RIMS1: variants seen among roughly 807,000 people sequenced by gnomAD.
RIMS1 encodes the protein regulating synaptic membrane exocytosis protein 1.
Under a neutral mutation model 214.1 loss-of-function variants are expected in RIMS1, and 83 were observed. The observed-to-expected ratio is 0.39, with a 90% CI of 0.32 to 0.47. The LOEUF (loss-of-function observed/expected upper bound fraction) is 0.47. Among genes scored for constraint, RIMS1 ranks in the 20% least tolerant of loss-of-function variants. The pLI is 0.99. For missense variants in RIMS1, 2,050 were observed against 2,161.8 expected (o/e 0.95, Z 1.03); for synonymous variants, 793 against 786.8 (o/e 1.01, Z -0.13).
chr6:71,985,743 C>G (rs1799753679), intron 2 of RIMS1, among the ~76,000 whole-genome samples: 1 of 152,188 alleles, frequency 6.6e-6, no homozygotes, highest in African/African-American at 2.4e-5. Context: ...ACTGCAAACA[C>G]ACTCTGTTGA....
intron 12 of RIMS1, among the ~76,000 whole-genome samples, chr6:72,249,605 C>A (rs1174616269): frequency 6.6e-6 from 1 of 151,928 alleles, no homozygotes; most frequent in Admixed American, 6.6e-5. Context: ...CCCCCGATTC[C>A]ACAAAAAATT....
At chr6:72,018,811 G>A (rs1247484916) in intron 2 of RIMS1, among the ~76,000 whole-genome samples, 1 of 152,118 alleles carries the variant, frequency 6.6e-6, no homozygotes, top group African/African-American at 2.4e-5. Context: ...AGAAATAATT[G>A]TTTGATTGAG....
intron 19 of RIMS1, chr6:72,261,735 C>G: frequency 1.0e-6 from 1 of 985,042 alleles, no homozygotes; most frequent in African/African-American, 1.7e-5. Context: ...GTAGTTCTGC[C>G]CAATAATGCA....
intron 23 of RIMS1, among the ~76,000 whole-genome samples, chr6:72,280,290 A>G (rs565909836): frequency 6.6e-6 from 1 of 152,124 alleles, no homozygotes; most frequent in South Asian, 2.1e-4. Context: ...AAAGTAATTC[A>G]TTTTAGTATG....
chr6:71,942,961 G>A (rs1786624695), intron 1 of RIMS1, among the ~76,000 whole-genome samples: 1 of 151,948 alleles, frequency 6.6e-6, no homozygotes, highest in Non-Finnish European at 1.5e-5. Context: ...AAGGGAAAAT[G>A]AGTACTAAAA....
intron 6 of RIMS1, among the ~76,000 whole-genome samples, chr6:72,190,514 G>T (rs1170489636): frequency 6.7e-6 from 1 of 150,346 alleles, no homozygotes; most frequent in Non-Finnish European, 1.5e-5. Flanking sequence ...GGGCTGTAGG[G>T]GCTATAGTGC....
chr6:72,241,011 C>T (rs2066658403), intron 9 of RIMS1, among the ~76,000 whole-genome samples: 1 of 151,714 alleles, frequency 6.6e-6, no homozygotes, highest in African/African-American at 2.4e-5. Flanking sequence ...AGTGAAACTC[C>T]ATCTCAAAAA....
Position 71,887,145 on chromosome 6 carries a change from A to C in RIMS1, c.122A>C (p.Asp41Ala). 6.2e-7 allele frequency: 1 copy of C among 1,612,836 alleles called. No individual in the cohort carries two copies. Among genetic ancestry groups the C allele is most frequent in the Non-Finnish European group, 8.5e-7 (1 of 1,179,428 alleles). The change falls in exon 1 of 34, where the codon GAC becomes GCC. Residue 41 changes from aspartate to alanine, a missense_variant. Coordinates refer to ENST00000521978, the MANE Select transcript of RIMS1 (RefSeq NM_014989.7). ...AGGAACATTATCATGGCAGTGATGG[A>C]CCGGCAGAAGGAAGAGGAGGAAAAA... Reference protein sequence around the residue: ...EERNIIMAVMDRQKEEEEKEE... With the variant: ...EERNIIMAVMARQKEEEEKEE...
intron 6 of RIMS1, among the ~76,000 whole-genome samples, chr6:72,188,444 G>C (rs577172005): frequency 6.6e-6 from 1 of 152,284 alleles, no homozygotes; most frequent in South Asian, 2.1e-4. Flanking sequence ...CTGATATGAA[G>C]TCAATAAATC....
chr6:72,338,661 G>C (rs1372326364), intron 29 of RIMS1, among the ~76,000 whole-genome samples: 1 of 151,964 alleles, frequency 6.6e-6, no homozygotes, highest in Non-Finnish European at 1.5e-5. Flanking sequence ...CGAAGGATAT[G>C]AACAGACACT....
At chr6:71,973,644 C>A (rs1271810201) in intron 2 of RIMS1, among the ~76,000 whole-genome samples, 1 of 152,098 alleles carries the variant, frequency 6.6e-6, no homozygotes, top group Non-Finnish European at 1.5e-5. Context: ...CAGGAGAGCC[C>A]TGGCTAGGAG....
intron 26 of RIMS1, among the ~76,000 whole-genome samples, chr6:72,296,187 TATTTA>T (rs893586452): frequency 2.0e-5 from 3 of 151,978 alleles, no homozygotes; most frequent in Admixed American, 1.3e-4. Context: ...TTAAAAATTT[TATTTA>T]AAATTAATGT....
intron 2 of RIMS1, among the ~76,000 whole-genome samples, chr6:72,002,360 G>A (rs899763893): frequency 4.6e-5 from 7 of 152,032 alleles, no homozygotes; most frequent in Admixed American, 1.3e-4. Context: ...AGGTGATGTA[G>A]CAGCCGTGGC....
intron 4 of RIMS1, among the ~76,000 whole-genome samples, chr6:72,105,108 A>C (rs2034476215): frequency 6.6e-6 from 1 of 151,982 alleles, no homozygotes; most frequent in Admixed American, 6.6e-5. Context: ...TTTTTTTTTA[A>C]ATTTTTGTAG....
At chr6:71,895,028 G>A (rs139652478) in intron 1 of RIMS1, among the ~76,000 whole-genome samples, 28 of 152,236 alleles carry the variant, frequency 1.8e-4, no homozygotes, top group African/African-American at 5.5e-4. Flanking sequence ...GAGAAGGTAT[G>A]TAAATTGAAA....
intron 2 of RIMS1, among the ~76,000 whole-genome samples, chr6:71,972,236 C>G (rs1161688474): frequency 6.6e-6 from 1 of 152,058 alleles, no homozygotes; most frequent in Non-Finnish European, 1.5e-5. Context: ...GAAAAGTGTG[C>G]TTTGGTTTTC....
chr6:72,128,636 G>T (rs2039978488), intron 4 of RIMS1, among the ~76,000 whole-genome samples: 1 of 152,132 alleles, frequency 6.6e-6, no homozygotes, highest in East Asian at 1.9e-4. Flanking sequence ...GTTTTCTATT[G>T]TACAGAAAAA....
Position 72,400,739 on chromosome 6 carries a change from A to G in RIMS1, c.*25A>G, listed in dbSNP as rs1163325422. 7 of 1,510,802 alleles carry G rather than the reference A, an allele frequency of 4.6e-6. No individual in the cohort carries two copies. The highest frequency in any genetic ancestry group is 2.7e-5 in the African/African-American group (2 of 72,816). 93.6% of individuals were successfully genotyped at this position (1,510,802 alleles called of 1,614,324 possible). On this transcript the variant is annotated 3_prime_UTR_variant, in exon 34 of 34. Coordinates refer to ENST00000521978, the MANE Select transcript of RIMS1 (RefSeq NM_014989.7). ...GTGAACTCATACCAGAGTCATTCCAATAAAACTCTACTTTTCAGGATAATA... is the reference window on the plus strand; with the variant it reads ...GTGAACTCATACCAGAGTCATTCCAGTAAAACTCTACTTTTCAGGATAATA...
chr6:72,345,170 A>G (rs914941459), intron 29 of RIMS1, among the ~76,000 whole-genome samples: 23 of 151,804 alleles, frequency 1.5e-4, no homozygotes, highest in Admixed American at 6.6e-5. Context: ...ATACATCCTT[A>G]TTTAATTCAG....
Sources: allele counts gnomAD v4.1 joint callset (sites outside exome capture counted in the v4.1 genomes callset), GRCh38; gene constraint gnomAD v4.1.1; transcripts MANE v1.5; gene names NCBI Gene and HGNC (gene_info 2026-07-23, HGNC 2026-07-21).